LATS1: variants seen among roughly 807,000 people sequenced by gnomAD.
LATS1 encodes large tumor suppressor kinase 1.
In LATS1, 25 loss-of-function variants were observed where a neutral mutation model predicts 106.6. The ratio of observed to expected loss-of-function variants is 0.23; its 90% CI spans 0.17 to 0.33. The LOEUF (loss-of-function observed/expected upper bound fraction) is 0.33. LATS1 is among the 10% of genes least tolerant of loss of function. LATS1 has a pLI of 1.00. For missense variants in LATS1, 1,040 were observed against 1,382.6 expected (o/e 0.75, Z 3.93); for synonymous variants, 465 against 455.6 (o/e 1.02, Z -0.26).
At chr6:149,681,037 G>A (rs548627897) in intron 4 of LATS1, among the ~76,000 whole-genome samples, 155 of 151,998 alleles carry the variant, frequency 1.0e-3, no homozygotes, top group African/African-American at 3.2e-3. Context: ...ATTTTTCAGG[G>A]CATCAGAGTA....
intron 7 of LATS1, among the ~76,000 whole-genome samples, chr6:149,674,585 G>A (rs1464029715): frequency 6.6e-6 from 1 of 151,806 alleles, no homozygotes; most frequent in African/African-American, 2.4e-5. Context: ...TGTTGCCCAG[G>A]CTGGTCTCAA....
rs567690275 is a variant in LATS1 at position 149,693,155 on chromosome 6, C to T, written c.496+1919G>A. Among the ~76,000 whole-genome samples the T allele has an allele frequency of 7.9e-5, 12 of 151,740 alleles. No individual in the cohort carries two copies. The East Asian group carries it at 2.4e-3, about 30-fold the overall frequency. The stretch of plus-strand genomic sequence containing the variant: ...GTGTGCACCTGTAACCCCAGCTACT[C>T]TGGAGGCTGACGCTGGAGAACTGCT... On this transcript the variant is annotated intron_variant, in intron 3 of 7. Coordinates refer to ENST00000543571, the MANE Select transcript of LATS1 (RefSeq NM_004690.4).
intron 1 of LATS1, among the ~76,000 whole-genome samples, chr6:149,704,927 C>CACA (rs1491546457): frequency 1.5e-5 from 2 of 137,132 alleles, no homozygotes; most frequent in East Asian, 2.2e-4. Context: ...CACACACACA[C>CACA]AATTTGCAGC....
Position 149,701,934 on chromosome 6 carries a change from CT to C in LATS1, c.192del (p.Val65SerfsTer67). Reference sequence around the variant, plus strand: ...GTCCCAAATTTGGGTGGATTTCTGACTTGTCGAGGATCTTCGGTTGACATTT... The same window carrying C: ...GTCCCAAATTTGGGTGGATTTCTGACTGTCGAGGATCTTCGGTTGACATTT... ...MSKMSTEDPRQVRNPPKFGTH... is the reference protein window; with the variant it reads ...MSKMSTEDPRXVRNPPKFGTH... On this transcript the variant is annotated frameshift_variant, in exon 2 of 8. Coordinates refer to ENST00000543571, the MANE Select transcript of LATS1 (RefSeq NM_004690.4). LOFTEE classifies it high-confidence loss of function. The C allele has an allele frequency of 6.2e-7, 1 of 1,614,204 alleles. No homozygotes were observed. Among genetic ancestry groups the C allele is most frequent in the Admixed American group, 1.7e-5 (1 of 60,020 alleles).
At chr6:149,664,656 A>G (rs530095866) in intron 7 of LATS1, among the ~76,000 whole-genome samples, 1 of 152,306 alleles carries the variant, frequency 6.6e-6, no homozygotes, top group South Asian at 2.1e-4. Flanking sequence ...AAAAGTAAAT[A>G]ATAACAGGTA....
Position 149,660,214 on chromosome 6 carries a change from C to T in LATS1, c.*1515G>A, listed in dbSNP as rs1167676891. 7 of 232,748 alleles carry T rather than the reference C, an allele frequency of 3.0e-5. No homozygotes were observed. Among genetic ancestry groups the T allele is most frequent in the African/African-American group, 1.5e-4 (7 of 45,388 alleles). 14.4% of individuals were successfully genotyped at this position (232,748 alleles called of 1,614,324 possible). A position where few individuals can be genotyped will look rare whatever the true frequency, so the allele number is the denominator to read the frequency against. On this transcript the variant is annotated 3_prime_UTR_variant, in exon 8 of 8. Transcript: ENST00000543571. ...TTCCTTCAGATTCTCAAAAGAACCA[C>T]TAACCCCAAAAGACGCACGATAACA... is the stretch of plus-strand genomic sequence containing the variant.
chr6:149,662,966 CAAAAAAAAAAAAAAA>C (rs61479102), intron 7 of LATS1, among the ~76,000 whole-genome samples: 2 of 96,254 alleles, frequency 2.1e-5, no homozygotes, highest in African/African-American at 3.9e-5. Context: ...ACACTGTCTC[CAAAAAAAAAAAAAAA>C]AAAAAAGAAA....
intron 7 of LATS1, among the ~76,000 whole-genome samples, chr6:149,673,871 C>T (rs1052174605): frequency 5.3e-5 from 8 of 151,632 alleles, no homozygotes; most frequent in African/African-American, 1.9e-4. Context: ...GACGGGGTTT[C>T]ACCATGTTGG....
intron 3 of LATS1, among the ~76,000 whole-genome samples, chr6:149,694,140 AAT>A (rs1284620359): frequency 2.6e-5 from 4 of 152,210 alleles, no homozygotes; most frequent in African/African-American, 9.6e-5. Flanking sequence ...TCTAGACAGC[AAT>A]ATCTATGAAA....
Position 149,718,082 on chromosome 6 carries a change from C to T in LATS1, c.-374G>A. The T allele has an allele frequency of 3.5e-6, 1 of 287,128 alleles. No homozygotes were observed. Among genetic ancestry groups the T allele is most frequent in the South Asian group, 2.4e-5 (1 of 41,522 alleles). 17.8% of individuals were successfully genotyped at this position (287,128 alleles called of 1,614,324 possible). On this transcript the variant is annotated 5_prime_UTR_variant, in exon 1 of 8. Transcript: ENST00000543571. ...CGCCATTTTGCCTTCCACTCAGTGT[C>T]GCCGCCGCCGCACTCCGCTGCAGGT...
Position 149,661,567 on chromosome 6 carries a change from A to C in LATS1, c.*162T>G, listed in dbSNP as rs956303629. ...TGATTTAAACGGCTGGAATAAATTA[A>C]CATTTTAAAAGGATTTCCCATAATT... On this transcript the variant is annotated 3_prime_UTR_variant, in exon 8 of 8. Transcript: ENST00000543571. 8 of 538,396 alleles carry C rather than the reference A, an allele frequency of 1.5e-5. No homozygotes were observed. The highest frequency in any genetic ancestry group is 2.4e-5 in the Non-Finnish European group (8 of 330,162). The allele number at this position is 538,396 out of a possible 1,614,324, so 33.4% of individuals were successfully genotyped here. A position where few individuals can be genotyped will look rare whatever the true frequency, so the allele number is the denominator to read the frequency against.
intron 7 of LATS1, among the ~76,000 whole-genome samples, chr6:149,667,095 G>A (rs1303792070): frequency 1.3e-5 from 2 of 151,974 alleles, no homozygotes; most frequent in African/African-American, 2.4e-5. Flanking sequence ...AGTCTCAATA[G>A]CAGAGTGAAG....
chr6:149,676,218 C>A lies in LATS1; in HGVS notation c.2883+42G>T, dbSNP rs755744586. ...TAATAAATAAAAGTCAATGATGTAG[C>A]AACTTTGTGAGAATTCTTTTGATAT... On this transcript the variant is annotated intron_variant, in intron 7 of 7. Coordinates refer to ENST00000543571, the MANE Select transcript of LATS1 (RefSeq NM_004690.4). 1.4e-5 allele frequency: 19 copies of A among 1,311,256 alleles called. No homozygotes were observed. The African/African-American group carries it at 2.5e-4, about 17-fold the overall frequency. 81.2% of individuals were successfully genotyped at this position (1,311,256 alleles called of 1,614,324 possible).
Position 149,662,197 on chromosome 6 carries a change from A to C in LATS1, c.2925T>G (p.Ala975=). ...GATCAGAAGCTTCAGGACTGAGTTT[A>C]GCTTGTGGTGGAATGTGAAGAGATG... ...WQTSLHIPPQ[A]KLSPEASDLI... Residue 975 remains alanine, a synonymous_variant, in exon 8 of 8, where the codon GCT becomes GCG. Transcript: ENST00000543571. 1 of 1,612,864 alleles carries C rather than the reference A, an allele frequency of 6.2e-7. No individual in the cohort carries two copies. Among genetic ancestry groups the C allele is most frequent in the Non-Finnish European group, 8.5e-7 (1 of 1,179,922 alleles).
At chr6:149,702,483 TAA>T (rs77939550) in intron 1 of LATS1, 112 of 149,598 alleles carry the variant, frequency 7.5e-4, no homozygotes, top group East Asian at 2.0e-3. Flanking sequence ...TATGATGATT[TAA>T]AAAAAAAAAA....
chr6:149,702,545 T>A (rs887810045), intron 1 of LATS1, among the ~76,000 whole-genome samples: 6 of 152,138 alleles, frequency 3.9e-5, no homozygotes, highest in Non-Finnish European at 8.8e-5. Flanking sequence ...CCAGGGATTA[T>A]TAAGTGAACA....
intron 4 of LATS1, 104 bp from the exon 5 acceptor site, chr6:149,680,561 A>G (rs1781980325): frequency 4.1e-6 from 3 of 738,336 alleles, no homozygotes; most frequent in Non-Finnish European, 6.7e-6. Context: ...GGTTAAATGC[A>G]TAATTTTTAA....
intron 7 of LATS1, 48 bp downstream of exon 7, chr6:149,676,212 A>G: frequency 8.0e-7 from 1 of 1,255,312 alleles, no homozygotes; most frequent in Non-Finnish European, 1.2e-6. Context: ...AAAGTCAATG[A>G]TGTAGCAACT....
chr6:149,680,105 C>A lies in LATS1; in HGVS notation c.2363G>T (p.Gly788Val). ...TCTAATTAATAGGCTCATCATATCACCCCCAGGAATGTAGTCCATTACAAA... is the reference window on the plus strand; with the variant it reads ...TCTAATTAATAGGCTCATCATATCAACCCCAGGAATGTAGTCCATTACAAA... ...LYFVMDYIPG[G>V]DMMSLLIRMG... The change falls in exon 5 of 8, where the codon GGT (glycine) becomes GTT (valine). Residue 788 changes from glycine (G) to valine (V), a missense_variant. Physicochemically the swap from Gly to Val is moderately radical, Grantham distance 109. This residue lies in a region of LATS1 where 167 missense variants were observed against 332.1 expected (regional missense o/e 0.50). Coordinates refer to ENST00000543571, the MANE Select transcript of LATS1 (RefSeq NM_004690.4). 1 of 1,613,170 alleles carries A rather than the reference C, an allele frequency of 6.2e-7. No homozygotes were observed. Among genetic ancestry groups the A allele is most frequent in the Non-Finnish European group, 8.5e-7 (1 of 1,179,374 alleles).
Sources: allele counts gnomAD v4.1 joint callset (sites outside exome capture counted in the v4.1 genomes callset), GRCh38; gene constraint gnomAD v4.1.1; regional missense constraint gnomAD v4.1.1; transcripts MANE v1.5; gene names NCBI Gene and HGNC (gene_info 2026-07-23, HGNC 2026-07-21).